Variants in TBXAS1 observed in about 807,000 individuals in gnomAD.
TBXAS1 encodes thromboxane A synthase 1.
A neutral mutation model predicts 60.7 loss-of-function variants in TBXAS1; 48 were observed. The ratio of observed to expected loss-of-function variants is 0.79; its 90% confidence interval spans 0.63 to 1.01. TBXAS1 has a LOEUF of 1.01. TBXAS1 is among the 50% of genes least tolerant of loss of function. The pLI, the probability that TBXAS1 is intolerant of heterozygous loss-of-function variation, is 0.00. For synonymous variants in TBXAS1, 287 were observed against 269.7 expected (o/e 1.06, Z -0.63); for missense variants, 685 against 686.3 (o/e 1.00, Z 0.02).
intron 4 of TBXAS1, among the ~76,000 whole-genome samples, chr7:139,803,649 T>TGGGCCA (rs1311888014): frequency 1.3e-5 from 2 of 152,140 alleles, no homozygotes; most frequent in African/African-American, 2.4e-5. Flanking sequence ...AATGGTTTCC[T>TGGGCCA]GGGCCAGGCC....
At chr7:139,935,542 G>T (rs1807684221) in intron 4 of TBXAS1, among the ~76,000 whole-genome samples, 1 of 152,108 alleles carries the variant, frequency 6.6e-6, no homozygotes. Context: ...AGTTTGGGGT[G>T]GGGGGCCGAA....
intron 4 of TBXAS1, among the ~76,000 whole-genome samples, chr7:139,809,241 A>AGATAGATAGATAGAT (rs1797961682): frequency 1.4e-4 from 7 of 48,616 alleles, no homozygotes; most frequent in Non-Finnish European, 2.6e-4. Context: ...GATGATAGAT[A>AGATAGATAGATAGAT]GATAGATAGA....
intron 4 of TBXAS1, chr7:139,913,468 G>A (rs1410396857): frequency 2.8e-5 from 9 of 315,996 alleles, no homozygotes; most frequent in African/African-American, 1.9e-4. Flanking sequence ...TAAGCCATGA[G>A]ACGGCACTTG....
chr7:139,881,308 C>A lies in TBXAS1; in HGVS notation c.236+5671C>A, dbSNP rs114583724. Among the ~76,000 whole-genome samples the A allele has an allele frequency of 4.0e-3, 615 of 152,262 alleles. 4 individuals are homozygous for A. The highest frequency in any genetic ancestry group is 0.014 in the African/African-American group (587 of 41,554). On this transcript the variant is annotated intron_variant, in intron 3 of 12. Transcript: ENST00000448866. ...TGATTTTAACAGTGTCTACATTTTG[C>A]ATCTTACTCAGAAAGGTTTTCTCCA...
chr7:139,799,454 C>G (rs1797659559), intron 4 of TBXAS1, among the ~76,000 whole-genome samples: 1 of 152,132 alleles, frequency 6.6e-6, no homozygotes, highest in Admixed American at 6.5e-5. Context: ...TGGTCTTGAA[C>G]TTCTGAGCTC....
intron 4 of TBXAS1, among the ~76,000 whole-genome samples, chr7:139,923,034 T>C (rs1316003967): frequency 3.3e-5 from 5 of 152,210 alleles, no homozygotes; most frequent in Non-Finnish European, 7.3e-5. Flanking sequence ...TCTTGAAAGA[T>C]GGCAGTGTGG....
At chr7:139,892,498 CAGG>C (rs921708284) in intron 3 of TBXAS1, among the ~76,000 whole-genome samples, 60 of 152,214 alleles carry the variant, frequency 3.9e-4, no homozygotes, top group African/African-American at 1.3e-3. Context: ...GAGGCTGAGG[CAGG>C]AGAATAGCTT....
intron 12 of TBXAS1, among the ~76,000 whole-genome samples, chr7:140,018,209 G>A (rs117300161): frequency 0.015 from 2,302 of 152,304 alleles, 54 homozygotes; most frequent in East Asian, 0.099. Context: ...ATTTGCAGTT[G>A]TGACATGTGC....
At chr7:139,854,233 T>C (rs530884398) in intron 1 of TBXAS1, among the ~76,000 whole-genome samples, 13 of 152,062 alleles carry the variant, frequency 8.5e-5, no homozygotes, top group African/African-American at 2.9e-4. Flanking sequence ...GAGAAAAGCC[T>C]GGGAAAAAGC....
intron 4 of TBXAS1, among the ~76,000 whole-genome samples, chr7:139,933,614 C>T (rs1807508906): frequency 6.6e-6 from 1 of 152,100 alleles, no homozygotes; most frequent in African/African-American, 2.4e-5. Context: ...CATCTTGGTT[C>T]TAATATATAA....
intron 3 of TBXAS1, among the ~76,000 whole-genome samples, chr7:139,784,658 C>T (rs2081432895): frequency 6.6e-6 from 1 of 152,132 alleles, no homozygotes; most frequent in Non-Finnish European, 1.5e-5. Flanking sequence ...AGACAGTGGT[C>T]AGGAATGACG....
chr7:139,873,927 A>T (rs554129832), intron 2 of TBXAS1, among the ~76,000 whole-genome samples: 1 of 152,178 alleles, frequency 6.6e-6, no homozygotes, highest in South Asian at 2.1e-4. Context: ...TCCCTTCAAC[A>T]TCTCTAGAAT....
chr7:139,885,183 G>A (rs768048824), intron 3 of TBXAS1, among the ~76,000 whole-genome samples: 9 of 152,196 alleles, frequency 5.9e-5, no homozygotes, highest in South Asian at 4.1e-4. Flanking sequence ...TCACGTTCAA[G>A]GTGGAAGGGA....
chr7:139,803,665 C>T (rs1389279982), intron 4 of TBXAS1, among the ~76,000 whole-genome samples: 1 of 152,150 alleles, frequency 6.6e-6, no homozygotes, highest in Non-Finnish European at 1.5e-5. Context: ...AGGCCCAGGC[C>T]CCCACTGTGT....
chr7:139,991,113 C>G (rs933972824), intron 9 of TBXAS1, among the ~76,000 whole-genome samples: 2 of 152,172 alleles, frequency 1.3e-5, no homozygotes, highest in Non-Finnish European at 2.9e-5. Context: ...AGAGAGCGTG[C>G]GCTCCAATAA....
At chr7:139,983,503 GTC>G (rs946161908) in intron 9 of TBXAS1, among the ~76,000 whole-genome samples, 2 of 152,142 alleles carry the variant, frequency 1.3e-5, no homozygotes, top group Non-Finnish European at 2.9e-5. Flanking sequence ...TTCTTGCTGT[GTC>G]TCTTACCCTC....
At chr7:139,865,813 AAGGGAGGG>A (rs1298508635) in intron 1 of TBXAS1, among the ~76,000 whole-genome samples, 1 of 91,330 alleles carries the variant, frequency 1.1e-5, no homozygotes, top group African/African-American at 4.7e-5. Flanking sequence ...AGAAGGAAGG[AAGGGAGGG>A]AGGGAGGGAG....
At chr7:139,967,083 C>T (rs1244166128) in intron 9 of TBXAS1, among the ~76,000 whole-genome samples, 1 of 152,248 alleles carries the variant, frequency 6.6e-6, no homozygotes, top group African/African-American at 2.4e-5. Context: ...CTGCCACCAG[C>T]TCCTGCCCCA....
intron 3 of TBXAS1, among the ~76,000 whole-genome samples, chr7:139,889,844 T>A (rs1283929924): frequency 6.6e-6 from 1 of 152,166 alleles, no homozygotes; most frequent in African/African-American, 2.4e-5. Flanking sequence ...GATTTCAACA[T>A]ATGAATCTGT....
Sources: gnomAD v4.1 joint callset for allele counts (sites outside exome capture counted in the v4.1 genomes callset) on GRCh38, gnomAD v4.1.1 for gene constraint, MANE v1.5 for transcripts, NCBI Gene and HGNC (gene_info 2026-07-23, HGNC 2026-07-21) for gene names.